Variants in EYS observed in about 807,000 individuals in gnomAD.
EYS encodes protein eyes shut homolog.
EYS carries 250 observed loss-of-function variants against 282.1 expected under a neutral mutation model. The ratio of observed to expected loss-of-function variants is 0.89; its 90% CI spans 0.80 to 0.98. The LOEUF is 0.98. Among genes scored for constraint, EYS ranks in the 50% least tolerant of loss-of-function variants. EYS has a pLI of 0.00. For missense variants in EYS, 4,016 were observed against 3,709.0 expected (o/e 1.08, Z -2.15); for synonymous variants, 1,355 against 1,282.9 (o/e 1.06, Z -1.20).
At chr6:63,876,305 G>A (rs761484497) in intron 35 of EYS, among the ~76,000 whole-genome samples, 2 of 152,188 alleles carry the variant, frequency 1.3e-5, no homozygotes, top group African/African-American at 2.4e-5. Context: ...TTAATCCTGT[G>A]TTCTGGTTTG....
At chr6:63,834,875 A>G (rs377554801) in intron 36 of EYS, among the ~76,000 whole-genome samples, 1 of 151,902 alleles carries the variant, frequency 6.6e-6, no homozygotes, top group East Asian at 1.9e-4. Context: ...TGCAGCCATA[A>G]AAAAGGATGA....
intron 9 of EYS, among the ~76,000 whole-genome samples, chr6:65,352,719 C>A (rs895145293): frequency 2.0e-5 from 3 of 151,856 alleles, no homozygotes; most frequent in African/African-American, 7.2e-5. Flanking sequence ...CCTTCTCTTC[C>A]ATGTGTTTCT....
intron 28 of EYS, among the ~76,000 whole-genome samples, chr6:64,397,505 C>G (rs79701530): frequency 0.031 from 4,723 of 151,814 alleles, 231 homozygotes; most frequent in African/African-American, 0.11. Flanking sequence ...ATGATCATGT[C>G]TGTTTTGTCA....
At chr6:63,884,676 C>A (rs1773220585) in intron 35 of EYS, among the ~76,000 whole-genome samples, 1 of 152,078 alleles carries the variant, frequency 6.6e-6, no homozygotes, top group South Asian at 2.1e-4. Flanking sequence ...TTCAGATAGT[C>A]CGTCAAATCC....
intron 33 of EYS, among the ~76,000 whole-genome samples, chr6:64,017,273 G>C (rs1335842655): frequency 6.6e-6 from 1 of 151,996 alleles, no homozygotes; most frequent in Non-Finnish European, 1.5e-5. Flanking sequence ...GAGAATTACA[G>C]TGCCTGACAG....
At chr6:65,440,330 C>T (rs1162487746) in intron 5 of EYS, among the ~76,000 whole-genome samples, 1 of 151,450 alleles carries the variant, frequency 6.6e-6, no homozygotes, top group Non-Finnish European at 1.5e-5. Context: ...CTACTTGAAA[C>T]TGTCTTGAAA....
intron 19 of EYS, among the ~76,000 whole-genome samples, chr6:64,850,747 T>C (rs1444749633): frequency 2.6e-5 from 4 of 152,072 alleles, no homozygotes; most frequent in Non-Finnish European, 5.9e-5. Context: ...AATAAAATTA[T>C]TCTATTTACT....
At chr6:64,359,717 G>A (rs942809797) in intron 29 of EYS, among the ~76,000 whole-genome samples, 1 of 151,570 alleles carries the variant, frequency 6.6e-6, no homozygotes, top group Non-Finnish European at 1.5e-5. Context: ...GTCCTCAAAT[G>A]GTTGAAGGAG....
intron 35 of EYS, among the ~76,000 whole-genome samples, chr6:63,892,505 G>A (rs1178369069): frequency 6.6e-6 from 1 of 152,174 alleles, no homozygotes; most frequent in African/African-American, 2.4e-5. Flanking sequence ...AATAAATGGT[G>A]TTGGGAAAAC....
At chr6:65,254,245 T>C (rs530545532) in intron 12 of EYS, among the ~76,000 whole-genome samples, 2 of 151,812 alleles carry the variant, frequency 1.3e-5, no homozygotes, top group East Asian at 1.9e-4. Flanking sequence ...AGTGCACACA[T>C]AGAAAACAAC....
At chr6:64,623,694 G>T (rs1432013331) in intron 23 of EYS, among the ~76,000 whole-genome samples, 2 of 152,000 alleles carry the variant, frequency 1.3e-5, no homozygotes, top group African/African-American at 4.8e-5. Flanking sequence ...GTTCCTTTTG[G>T]GGGTAAAGAG....
chr6:64,350,505 T>G (rs1370506383), intron 29 of EYS, among the ~76,000 whole-genome samples: 3 of 151,508 alleles, frequency 2.0e-5, no homozygotes, highest in Non-Finnish European at 4.4e-5. Flanking sequence ...GAGAGCCAGT[T>G]GTATGGATCT....
In EYS at chr6:64,161,271, T is replaced by C. The variant is rs138989719; in HGVS notation, c.6424+69321A>G. On this transcript the variant is annotated intron_variant, in intron 31 of 42. Coordinates refer to ENST00000503581, the MANE Select transcript of EYS (RefSeq NM_001142800.2). ...CAGACCATCTGTGAAGATACATAAA[T>C]AATAGCTATCTAAGGATCTGACTGA... 7.2e-3 allele frequency among the ~76,000 whole-genome samples: 1,102 copies of C among 152,282 alleles called. 23 individuals are homozygous for C. The highest frequency in any genetic ancestry group is 0.024 in the African/African-American group (1,013 of 41,564).
chr6:65,146,046 G>T (rs1021145134), intron 12 of EYS, among the ~76,000 whole-genome samples: 1 of 151,198 alleles, frequency 6.6e-6, no homozygotes, highest in Non-Finnish European at 1.5e-5. Context: ...TTTATTTCAG[G>T]TATCAATAGG....
intron 15 of EYS, among the ~76,000 whole-genome samples, chr6:64,942,652 C>G (rs1489694668): frequency 2.0e-5 from 3 of 151,744 alleles, no homozygotes; most frequent in Non-Finnish European, 2.9e-5. Flanking sequence ...CACACCACCT[C>G]TCAAGATTGA....
chr6:63,899,648 C>T (rs1773613827), intron 35 of EYS, among the ~76,000 whole-genome samples: 1 of 152,134 alleles, frequency 6.6e-6, no homozygotes, highest in South Asian at 2.1e-4. Context: ...ATTCAGGCTG[C>T]CTCTTCTGGA....
intron 31 of EYS, among the ~76,000 whole-genome samples, chr6:64,154,753 C>T (rs1361477578): frequency 6.6e-6 from 1 of 152,012 alleles, no homozygotes; most frequent in Non-Finnish European, 1.5e-5. Flanking sequence ...TTCTTGCAGT[C>T]ATACTATTTT....
At chr6:65,106,778 T>C (rs1478293435) in intron 12 of EYS, among the ~76,000 whole-genome samples, 2 of 152,106 alleles carry the variant, frequency 1.3e-5, no homozygotes, top group Non-Finnish European at 2.9e-5. Flanking sequence ...CCTACATAGG[T>C]CTTTACATGT....
chr6:64,762,073 G>T (rs1039004346), intron 22 of EYS, among the ~76,000 whole-genome samples: 1 of 152,054 alleles, frequency 6.6e-6, no homozygotes, highest in Non-Finnish European at 1.5e-5. Context: ...TTACCACAAA[G>T]AAATGATAAG....
Sources: gnomAD v4.1 joint callset for allele counts (sites outside exome capture counted in the v4.1 genomes callset) on GRCh38, gnomAD v4.1.1 for gene constraint, MANE v1.5 for transcripts, NCBI Gene and HGNC (gene_info 2026-07-23, HGNC 2026-07-21) for gene names.